IRAG1: variants seen among roughly 807,000 people sequenced by gnomAD.
The protein encoded by IRAG1 is inositol 1,4,5-triphosphate receptor associated 1.
Under a neutral mutation model 106.2 loss-of-function variants are expected in IRAG1, and 62 were observed. That is an observed-to-expected ratio of 0.58 (90% CI 0.48 to 0.72). The LOEUF (loss-of-function observed/expected upper bound fraction) is 0.72, where lower values mean the gene tolerates loss of function less well. Among genes scored for constraint, IRAG1 ranks in the 30% least tolerant of loss-of-function variants. IRAG1 has a pLI of 0.00. For missense variants in IRAG1, 1,064 were observed against 1,140.7 expected (o/e 0.93, Z 0.97); for synonymous variants, 462 against 443.9 (o/e 1.04, Z -0.51).
intron 1 of IRAG1, among the ~76,000 whole-genome samples, chr11:10,683,936 G>A (rs1589978057): frequency 6.7e-6 from 1 of 149,518 alleles, no homozygotes. Context: ...CATCTTTCTT[G>A]TTCTTTAAAA....
chr11:10,693,314 C>A, intron 1 of IRAG1: 1 of 879,880 alleles, frequency 1.1e-6, no homozygotes, highest in South Asian at 2.1e-5. Flanking sequence ...AAAAGGAGCA[C>A]AATCTAGTTA....
intron 10 of IRAG1, chr11:10,617,247 T>C: frequency 3.2e-6 from 3 of 950,478 alleles, no homozygotes; most frequent in Non-Finnish European, 3.8e-6. Context: ...CACCATTTAC[T>C]GAACATCAAC....
intron 8 of IRAG1, among the ~76,000 whole-genome samples, chr11:10,627,094 G>A (rs937493970): frequency 6.6e-5 from 10 of 152,292 alleles, no homozygotes; most frequent in African/African-American, 2.2e-4. Flanking sequence ...CTGCTCAGAA[G>A]CTCTAAGATT....
chr11:10,588,810 C>T (rs78693210), intron 18 of IRAG1, among the ~76,000 whole-genome samples: 2 of 152,188 alleles, frequency 1.3e-5, no homozygotes, highest in Non-Finnish European at 2.9e-5. Flanking sequence ...TAGGCTGCTT[C>T]CCATCTGTCT....
intron 1 of IRAG1, among the ~76,000 whole-genome samples, chr11:10,670,415 C>T (rs1208217227): frequency 6.6e-6 from 1 of 152,218 alleles, no homozygotes; most frequent in Admixed American, 6.5e-5. Context: ...CAAAACCATG[C>T]ACAAGGATCC....
At chr11:10,637,726 G>C (rs1471044235) in intron 2 of IRAG1, among the ~76,000 whole-genome samples, 1 of 152,062 alleles carries the variant, frequency 6.6e-6, no homozygotes, top group Non-Finnish European at 1.5e-5. Context: ...GCAAGCAGCA[G>C]AGGCTGGGGT....
intron 15 of IRAG1, among the ~76,000 whole-genome samples, chr11:10,600,479 T>G (rs537636485): frequency 1.3e-5 from 2 of 152,366 alleles, no homozygotes; most frequent in South Asian, 4.1e-4. Flanking sequence ...AAACTACATA[T>G]ATGATCAAGT....
chr11:10,581,246 G>A (rs1272174049), intron 19 of IRAG1, among the ~76,000 whole-genome samples: 3 of 152,150 alleles, frequency 2.0e-5, no homozygotes, highest in African/African-American at 7.2e-5. Flanking sequence ...AAGCCCATGG[G>A]TTCTGTGCCA....
chr11:10,580,378 G>A, intron 20 of IRAG1, 77 bp downstream of exon 20: 2 of 1,557,740 alleles, frequency 1.3e-6, no homozygotes, highest in Non-Finnish European at 1.7e-6. Flanking sequence ...CATTTCCAGG[G>A]ATTTTGTGCA....
At chr11:10,621,352 CCAAG>C (rs1357270612) in intron 10 of IRAG1, among the ~76,000 whole-genome samples, 1 of 152,122 alleles carries the variant, frequency 6.6e-6, no homozygotes, top group Non-Finnish European at 1.5e-5. Flanking sequence ...ACACATTCAC[CCAAG>C]AATCCATAGG....
chr11:10,622,339 G>A (rs1478000151), intron 10 of IRAG1, among the ~76,000 whole-genome samples: 1 of 152,138 alleles, frequency 6.6e-6, no homozygotes, highest in African/African-American at 2.4e-5. Context: ...AGTGGCCACA[G>A]AGAAGAGGCT....
At chr11:10,596,224 C>T (rs1169578629) in intron 15 of IRAG1, among the ~76,000 whole-genome samples, 3 of 152,228 alleles carry the variant, frequency 2.0e-5, no homozygotes, top group Admixed American at 6.5e-5. Flanking sequence ...GTTCTTTCAG[C>T]GAGGGTCTAT....
intron 1 of IRAG1, among the ~76,000 whole-genome samples, chr11:10,673,625 C>G (rs1346696761): frequency 2.0e-5 from 3 of 151,922 alleles, no homozygotes; most frequent in Non-Finnish European, 4.4e-5. Flanking sequence ...GAATTGTACA[C>G]TTTAAGTAGG....
In IRAG1 at chr11:10,641,732, G is replaced by C. The variant is rs181062525; in HGVS notation, c.226-7661C>G. Among the ~76,000 whole-genome samples the C allele has an allele frequency of 1.7e-3, 254 of 152,288 alleles. 1 individual carries two copies. The highest frequency in any genetic ancestry group is 3.4e-3 in the Middle Eastern group (1 of 294). On this transcript the variant is annotated intron_variant, in intron 2 of 20. Transcript: ENST00000423302. ...TCCCAAACTCATAGAATTGTGAAGAGGAAACGAGAAGATGAAAGTGAAGGC... is the reference window on the plus strand; with the variant it reads ...TCCCAAACTCATAGAATTGTGAAGACGAAACGAGAAGATGAAAGTGAAGGC...
chr11:10,682,994 G>C (rs1861382196), intron 1 of IRAG1, among the ~76,000 whole-genome samples: 1 of 152,216 alleles, frequency 6.6e-6, no homozygotes, highest in Admixed American at 6.5e-5. Context: ...GTGATCTTCA[G>C]AGTAGAGTAT....
In IRAG1 at chr11:10,652,137, G is replaced by T. The variant is rs368754767; in HGVS notation, c.113C>A (p.Ala38Glu). 1 of 1,613,202 alleles carries T rather than the reference G, an allele frequency of 6.2e-7. No individual in the cohort carries two copies. The highest frequency in any genetic ancestry group is 2.2e-5 in the East Asian group (1 of 44,850). Residue 38 changes from alanine to glutamate, a missense_variant, in exon 2 of 21, where the codon GCG becomes GAG. Coordinates refer to ENST00000423302, the MANE Select transcript of IRAG1 (RefSeq NM_130385.4). ...GTGGCCACGTGTGCCCGGAACCTCCGCTGCGTCAGCCCCAAAGATGCTCCA... is the reference window on the plus strand; with the variant it reads ...GTGGCCACGTGTGCCCGGAACCTCCTCTGCGTCAGCCCCAAAGATGCTCCA... Reference protein sequence around the residue: ...ASWSIFGADAAEVPGTRGHSQ... With the variant: ...ASWSIFGADAEEVPGTRGHSQ...
intron 1 of IRAG1, 59 bp downstream of exon 1, chr11:10,693,477 G>T: frequency 6.5e-7 from 1 of 1,533,984 alleles, no homozygotes; most frequent in South Asian, 1.2e-5. Flanking sequence ...AGGAAGAGAA[G>T]GTTCCCTCCG....
At chr11:10,652,415 T>C in intron 1 of IRAG1, 1 of 1,097,016 alleles carries the variant, frequency 9.1e-7, no homozygotes, top group Admixed American at 3.2e-5. Context: ...GTCTTTACAG[T>C]AAACACAGCT....
In IRAG1 at chr11:10,576,436, C is replaced by A; in HGVS notation, c.2635G>T (p.Ala879Ser). ...CCAAGGGGCCCATCAGCCTGCTCTG[C>A]ACAAGAGTTATAGGAATTGTAGAGC... ...LGLYNSYNSC[A>S]EQADGPLGRS... The change falls in exon 21 of 21, where the codon GCA becomes TCA. Residue 879 changes from alanine (A) to serine (S), a missense_variant. Transcript: ENST00000423302. The A allele has an allele frequency of 1.2e-6, 2 of 1,613,992 alleles. No homozygotes were observed. The highest frequency in any genetic ancestry group is 1.7e-6 in the Non-Finnish European group (2 of 1,179,886).
Sources: allele counts gnomAD v4.1 joint callset (sites outside exome capture counted in the v4.1 genomes callset), GRCh38; gene constraint gnomAD v4.1.1; transcripts MANE v1.5; gene names NCBI Gene and HGNC (gene_info 2026-07-23, HGNC 2026-07-21).